ERBB4: variants seen among roughly 807,000 people sequenced by gnomAD.
ERBB4 encodes the protein receptor tyrosine-protein kinase erbB-4.
In ERBB4, 42 loss-of-function variants were observed where a neutral mutation model predicts 158.0. The observed-to-expected ratio is 0.27, with a 90% CI of 0.21 to 0.34. The LOEUF is 0.34. Among genes scored for constraint, ERBB4 ranks in the 10% least tolerant of loss-of-function variants. ERBB4 has a pLI of 1.00. For missense variants in ERBB4, 1,333 were observed against 1,624.1 expected, an observed-to-expected ratio of 0.82 and a Z score of 3.08; for synonymous variants, 583 against 558.7, an observed-to-expected ratio of 1.04 and a Z score of -0.61.
At chr2:211,434,253 A>T (rs1281374889) in intron 20 of ERBB4, among the ~76,000 whole-genome samples, 2 of 152,152 alleles carry the variant, frequency 1.3e-5, no homozygotes, top group Non-Finnish European at 2.9e-5. Context: ...CTCTGCTATG[A>T]TCTGAATGGT....
chr2:212,537,905 G>A (rs1481197195), intron 1 of ERBB4, among the ~76,000 whole-genome samples: 2 of 152,172 alleles, frequency 1.3e-5, no homozygotes, highest in African/African-American at 4.8e-5. Context: ...CTGGGCGCGA[G>A]TTGCGTCTGA....
intron 19 of ERBB4, among the ~76,000 whole-genome samples, chr2:211,615,471 T>C (rs970877138): frequency 5.3e-5 from 8 of 152,228 alleles, no homozygotes; most frequent in African/African-American, 1.9e-4. Flanking sequence ...TTTCTTAATG[T>C]TGTTCAATAT....
At position 211,740,334 on chromosome 2, in the gene ERBB4, T is replaced by C. The variant is rs959147884; in HGVS notation, c.622+10305A>G. Reference sequence around the variant, plus strand: ...ACTCATCATAAATTAATAGAGTGACTATTTCTTTGGAAAGTGCCCATGGTA... The same window carrying C: ...ACTCATCATAAATTAATAGAGTGACCATTTCTTTGGAAAGTGCCCATGGTA... On this transcript the variant is annotated intron_variant, in intron 5 of 27. Transcript: ENST00000342788. 7.9e-5 allele frequency among the ~76,000 whole-genome samples: 12 copies of C among 152,156 alleles called. 1 individual carries two copies. Among genetic ancestry groups the C allele is most frequent in the Non-Finnish European group, 2.9e-5 (2 of 68,016 alleles).
chr2:212,367,596 T>C (rs981319332), intron 1 of ERBB4, among the ~76,000 whole-genome samples: 19 of 152,064 alleles, frequency 1.2e-4, no homozygotes, highest in African/African-American at 4.6e-4. Context: ...TGGGACTTAA[T>C]TAAACAAAAG....
chr2:211,450,262 G>A (rs1029917145), intron 20 of ERBB4, among the ~76,000 whole-genome samples: 8 of 152,086 alleles, frequency 5.3e-5, no homozygotes, highest in African/African-American at 1.7e-4. Context: ...GTGTGCAAGG[G>A]CAAACCTGCA....
At chr2:211,680,621 G>A (rs1387398439) in intron 12 of ERBB4, among the ~76,000 whole-genome samples, 2 of 152,172 alleles carry the variant, frequency 1.3e-5, no homozygotes, top group East Asian at 3.9e-4. Context: ...GCTTGACAGA[G>A]CAAATCGCCC....
chr2:212,426,782 A>C (rs1505349), intron 1 of ERBB4, among the ~76,000 whole-genome samples: 14,108 of 152,110 alleles, frequency 0.093, 897 homozygotes, highest in Non-Finnish European at 0.15. Flanking sequence ...AGGATCACAT[A>C]GCAGAACTAA....
chr2:212,250,405 T>C (rs1268439333), intron 1 of ERBB4, among the ~76,000 whole-genome samples: 1 of 151,844 alleles, frequency 6.6e-6, no homozygotes, highest in Non-Finnish European at 1.5e-5. Flanking sequence ...GTTACAAGTA[T>C]AAGGTGTTTG....
At chr2:212,109,177 T>C (rs950612096) in intron 2 of ERBB4, among the ~76,000 whole-genome samples, 1 of 152,194 alleles carries the variant, frequency 6.6e-6, no homozygotes, top group African/African-American at 2.4e-5. Flanking sequence ...TTTTGTCTTT[T>C]ATTTTTGCTG....
chr2:211,626,205 A>C (rs1446771947), intron 17 of ERBB4, among the ~76,000 whole-genome samples: 4 of 152,106 alleles, frequency 2.6e-5, no homozygotes, highest in Non-Finnish European at 5.9e-5. Flanking sequence ...TAAATCTGTT[A>C]CTCTTCAAGG....
intron 2 of ERBB4, among the ~76,000 whole-genome samples, chr2:212,002,566 G>A (rs7423124): frequency 6.6e-6 from 1 of 151,848 alleles, no homozygotes; most frequent in Non-Finnish European, 1.5e-5. Flanking sequence ...AAAGGGCCAC[G>A]TTTTGAAGGA....
intron 1 of ERBB4, among the ~76,000 whole-genome samples, chr2:212,209,277 C>T (rs1374902222): frequency 5.3e-5 from 8 of 152,112 alleles, no homozygotes; most frequent in Admixed American, 5.2e-4. Flanking sequence ...TTAATCACAG[C>T]CATTTTAAAA....
intron 1 of ERBB4, among the ~76,000 whole-genome samples, chr2:212,243,806 C>T (rs2084206823): frequency 6.6e-6 from 1 of 151,924 alleles, no homozygotes; most frequent in East Asian, 1.9e-4. Flanking sequence ...TTCCCCAATT[C>T]AAACAAGAAA....
At chr2:212,062,396 ATTCTT>A (rs2077801994) in intron 2 of ERBB4, among the ~76,000 whole-genome samples, 17 of 96,534 alleles carry the variant, frequency 1.8e-4, no homozygotes, top group African/African-American at 6.2e-4. Context: ...TCACTTGTCA[ATTCTT>A]TTTTTTTTTT....
intron 1 of ERBB4, among the ~76,000 whole-genome samples, chr2:212,526,255 C>T (rs919113182): frequency 1.3e-5 from 2 of 152,072 alleles, no homozygotes; most frequent in African/African-American, 4.8e-5. Context: ...TAGCTACATG[C>T]CATTCTATTT....
At chr2:212,160,574 A>ATT (rs926062258) in intron 1 of ERBB4, among the ~76,000 whole-genome samples, 5 of 151,974 alleles carry the variant, frequency 3.3e-5, no homozygotes, top group Non-Finnish European at 5.9e-5. Flanking sequence ...CTATGCCCAC[A>ATT]TTTTTATGAC....
Position 211,906,054 on chromosome 2 carries a change from A to G in ERBB4, c.421+41376T>C, listed in dbSNP as rs1004496687. Among the ~76,000 whole-genome samples the G allele has an allele frequency of 3.3e-5, 5 of 152,142 alleles. No individual in the cohort carries two copies. In the South Asian group the frequency reaches 1.0e-3, roughly 32 times the overall value. On this transcript the variant is annotated intron_variant, in intron 3 of 27. Transcript: ENST00000342788. The stretch of plus-strand genomic sequence containing the variant: ...CACCTACAGCCTTGTGAGTTACTCA[A>G]CCCAGAGAGAGATACATTCGAGAAG...
chr2:211,717,728 G>A lies in ERBB4; in HGVS notation c.884-4080C>T, dbSNP rs547444583. 4.3e-3 allele frequency among the ~76,000 whole-genome samples: 652 copies of A among 152,226 alleles called. 2 individuals are homozygous for A. Among genetic ancestry groups the A allele is most frequent in the Non-Finnish European group, 8.1e-3 (550 of 68,020 alleles). On this transcript the variant is annotated intron_variant, in intron 7 of 27. Transcript: ENST00000342788. ...CTGTAATCCCAGCGACTCAGGAGCT[G>A]AGGCAGGGGAATCGCTTGAACCCGG...
intron 2 of ERBB4, among the ~76,000 whole-genome samples, chr2:211,964,626 T>C (rs2081265349): frequency 6.6e-6 from 1 of 152,270 alleles, no homozygotes; most frequent in African/African-American, 2.4e-5. Context: ...TACTAAAATC[T>C]GATATAATCT....
Sources: gnomAD v4.1 joint callset for allele counts (sites outside exome capture counted in the v4.1 genomes callset) on GRCh38, gnomAD v4.1.1 for gene constraint, MANE v1.5 for transcripts, NCBI Gene and HGNC (gene_info 2026-07-23, HGNC 2026-07-21) for gene names.